Variants in PTPRM observed in about 807,000 individuals in gnomAD.
PTPRM encodes receptor-type tyrosine-protein phosphatase mu.
A neutral mutation model predicts 186.7 loss-of-function variants in PTPRM; 47 were observed. The ratio of observed to expected loss-of-function variants is 0.25; its 90% confidence interval spans 0.20 to 0.32. PTPRM has a LOEUF of 0.32. Among genes scored for constraint, PTPRM ranks in the 10% least tolerant of loss-of-function variants. The pLI, the probability that PTPRM is intolerant of heterozygous loss-of-function variation, is 1.00. For synonymous variants in PTPRM, 668 were observed against 674.9 expected (o/e 0.99, Z 0.16); for missense variants, 1,494 against 1,865.0 (o/e 0.80, Z 3.66).
At chr18:8,184,589 T>A (rs1318662041) in intron 14 of PTPRM, among the ~76,000 whole-genome samples, 2 of 152,214 alleles carry the variant, frequency 1.3e-5, no homozygotes, top group South Asian at 2.1e-4. Flanking sequence ...GACGAAGGTT[T>A]AATGACTTAT....
Position 7,722,740 on chromosome 18 carries a change from T to C in PTPRM, c.74-51409T>C, listed in dbSNP as rs117977930. Among the ~76,000 whole-genome samples, 1,270 of 152,142 alleles carry C rather than the reference T, an allele frequency of 8.3e-3. 9 individuals carry two copies. Among genetic ancestry groups the C allele is most frequent in the Non-Finnish European group, 0.014 (947 of 67,986 alleles). The stretch of plus-strand genomic sequence containing the variant: ...ATAAATGTTTACAACACATCATATA[T>C]AAAGGGATAATCTACCTAATATTAA... On this transcript the variant is annotated intron_variant, in intron 1 of 32. Transcript: ENST00000580170.
chr18:7,923,223 G>A (rs946285172), intron 4 of PTPRM, among the ~76,000 whole-genome samples: 16 of 152,184 alleles, frequency 1.1e-4, no homozygotes, highest in African/African-American at 3.6e-4. Flanking sequence ...CAGACACCTT[G>A]TGTTAGAGAC....
intron 1 of PTPRM, among the ~76,000 whole-genome samples, chr18:7,657,217 G>T (rs1247822748): frequency 2.0e-5 from 3 of 152,182 alleles, no homozygotes; most frequent in Non-Finnish European, 4.4e-5. Context: ...GACGCTCTGT[G>T]TGCTGCTATT....
intron 2 of PTPRM, among the ~76,000 whole-genome samples, chr18:7,777,560 A>G (rs1462884372): frequency 1.3e-5 from 2 of 152,148 alleles, no homozygotes; most frequent in Admixed American, 6.5e-5. Context: ...CCCGTCTTAG[A>G]CCATTTTGGC....
chr18:8,118,809 A>ATATATATAT (rs1282754601), intron 13 of PTPRM, among the ~76,000 whole-genome samples: 70 of 134,824 alleles, frequency 5.2e-4, no homozygotes, highest in African/African-American at 1.9e-3. Flanking sequence ...CAAAAAAAAA[A>ATATATATAT]AAATATATAT....
At chr18:7,797,723 G>A (rs1463063989) in intron 2 of PTPRM, among the ~76,000 whole-genome samples, 2 of 151,778 alleles carry the variant, frequency 1.3e-5, no homozygotes, top group Admixed American at 1.3e-4. Context: ...CAGAATCCCT[G>A]GAACATCGAG....
chr18:7,740,927 C>T (rs13380901), intron 1 of PTPRM, among the ~76,000 whole-genome samples: 5,579 of 152,184 alleles, frequency 0.037, 338 homozygotes, highest in African/African-American at 0.12. Context: ...CTTTGAGAGA[C>T]GAATACATAG....
At chr18:7,954,001 T>C (rs1483050355) in intron 6 of PTPRM, among the ~76,000 whole-genome samples, 3 of 152,150 alleles carry the variant, frequency 2.0e-5, no homozygotes, top group Non-Finnish European at 4.4e-5. Context: ...ATCACTAGAT[T>C]TATGTTTTTC....
At chr18:8,330,794 C>T (rs639640) in intron 22 of PTPRM, among the ~76,000 whole-genome samples, 141,170 of 152,140 alleles carry the variant, frequency 0.93, 66,249 homozygotes, top group East Asian at 1. Flanking sequence ...CAGCAGGATG[C>T]TTCTGTGCTG....
At chr18:8,240,636 A>AGGGAGG (rs1203848062) in intron 14 of PTPRM, among the ~76,000 whole-genome samples, 1 of 44,966 alleles carries the variant, frequency 2.2e-5, no homozygotes, top group African/African-American at 1.1e-4. Flanking sequence ...AGAGAGAGAG[A>AGGGAGG]GAGAGAGAGA....
intron 22 of PTPRM, among the ~76,000 whole-genome samples, chr18:8,328,861 G>A (rs2095394625): frequency 6.6e-6 from 1 of 152,160 alleles, no homozygotes. Context: ...AAAGATAGTT[G>A]CCAATTAGCC....
intron 1 of PTPRM, among the ~76,000 whole-genome samples, chr18:7,622,187 T>C (rs184218976): frequency 6.6e-6 from 1 of 152,338 alleles, no homozygotes; most frequent in Non-Finnish European, 1.5e-5. Context: ...ATTCTAAAAA[T>C]TGAATTTTTA....
At chr18:8,391,361 T>C (rs2095811314) in intron 31 of PTPRM, among the ~76,000 whole-genome samples, 5 of 152,220 alleles carry the variant, frequency 3.3e-5, no homozygotes, top group Admixed American at 3.3e-4. Context: ...TCATCAGCTG[T>C]TGGATAAATT....
intron 23 of PTPRM, among the ~76,000 whole-genome samples, chr18:8,361,919 C>G (rs902257381): frequency 6.6e-6 from 1 of 152,160 alleles, no homozygotes; most frequent in African/African-American, 2.4e-5. Context: ...ATCCTTCTAT[C>G]TAGAAGAAAA....
intron 19 of PTPRM, among the ~76,000 whole-genome samples, chr18:8,272,813 TTAA>T (rs2094788986): frequency 6.6e-6 from 1 of 152,194 alleles, no homozygotes; most frequent in Admixed American, 6.5e-5. Flanking sequence ...TTCTGTATAC[TTAA>T]TTTTTGTCTA....
intron 1 of PTPRM, among the ~76,000 whole-genome samples, chr18:7,637,680 G>A (rs981367289): frequency 4.6e-5 from 7 of 152,114 alleles, no homozygotes; most frequent in Non-Finnish European, 1.0e-4. Context: ...TTGAATTAAT[G>A]CACATTGAAA....
intron 2 of PTPRM, among the ~76,000 whole-genome samples, chr18:7,810,588 C>G (rs756791926): frequency 1.3e-5 from 2 of 151,554 alleles, no homozygotes; most frequent in Non-Finnish European, 2.9e-5. Flanking sequence ...GAGACACCTA[C>G]TTAGTAGCTT....
chr18:7,830,206 G>A (rs1292799938), intron 2 of PTPRM, among the ~76,000 whole-genome samples: 3 of 152,092 alleles, frequency 2.0e-5, no homozygotes, highest in African/African-American at 7.2e-5. Context: ...TACTGGGCAT[G>A]TGTTTCAAGT....
chr18:7,775,470 G>A (rs1238501081), intron 2 of PTPRM, among the ~76,000 whole-genome samples: 1 of 152,112 alleles, frequency 6.6e-6, no homozygotes, highest in African/African-American at 2.4e-5. Context: ...GGGAAGAGGA[G>A]AACACAGCTG....
Sources: gnomAD v4.1 joint callset for allele counts (sites outside exome capture counted in the v4.1 genomes callset) on GRCh38, gnomAD v4.1.1 for gene constraint, MANE v1.5 for transcripts, NCBI Gene and HGNC (gene_info 2026-07-23, HGNC 2026-07-21) for gene names.